NBEA: variants seen among roughly 807,000 people sequenced by gnomAD.
NBEA encodes the protein lysosomal-trafficking regulator 2.
NBEA carries 44 observed loss-of-function variants against 343.4 expected under a neutral mutation model. The observed-to-expected ratio is 0.13, with a 90% CI of 0.10 to 0.16. The LOEUF is 0.16. Among genes scored for constraint, NBEA ranks in the 10% least tolerant of loss-of-function variants. The probability of loss-of-function intolerance (pLI) is 1.00; values close to 1 mark genes in which losing one functional copy is unlikely to be tolerated. For missense variants in NBEA, 2,555 were observed against 3,631.3 expected, an observed-to-expected ratio of 0.70 and a Z score of 7.62; for synonymous variants, 1,175 against 1,238.7, an observed-to-expected ratio of 0.95 and a Z score of 1.08.
chr13:34,943,104 T>C lies in NBEA; in HGVS notation c.284T>C (p.Val95Ala). 1 of 1,613,468 alleles carries C rather than the reference T, an allele frequency of 6.2e-7. No individual in the cohort carries two copies. The highest frequency in any genetic ancestry group is 8.5e-7 in the Non-Finnish European group (1 of 1,179,706). ...AGCAACAGGGACATCGTGGAGACGG[T>C]GCTCAACCTGGTAAGGAAAAGGCGT... ...EVSNRDIVET[V>A]LNLLVGGEFD... The change falls in exon 1 of 59, where the codon GTG becomes GCG. Residue 95 changes from valine to alanine, a missense_variant. By Grantham distance (64) the Val-to-Ala change is moderately conservative. This residue lies in a region of NBEA where 185 missense variants were observed against 290.6 expected (regional missense o/e 0.64). Transcript: ENST00000379939.
chr13:35,376,311 A>G (rs1045151628), intron 38 of NBEA, among the ~76,000 whole-genome samples: 3 of 152,136 alleles, frequency 2.0e-5, no homozygotes, highest in Non-Finnish European at 4.4e-5. Flanking sequence ...AGCCTTCATC[A>G]CTTTTTAAGA....
intron 31 of NBEA, among the ~76,000 whole-genome samples, chr13:35,205,477 C>A (rs1204843925): frequency 6.6e-6 from 1 of 152,012 alleles, no homozygotes; most frequent in Non-Finnish European, 1.5e-5. Context: ...AATGCTGTAA[C>A]TTTTTCTCAC....
intron 28 of NBEA, among the ~76,000 whole-genome samples, chr13:35,179,213 T>C (rs1482387747): frequency 5.3e-5 from 8 of 151,646 alleles, no homozygotes. Flanking sequence ...TCAGTGTTTC[T>C]GAGTCTTAAC....
At chr13:35,119,976 A>G (rs2066706387) in intron 16 of NBEA, among the ~76,000 whole-genome samples, 2 of 152,212 alleles carry the variant, frequency 1.3e-5, no homozygotes, top group Admixed American at 1.3e-4. Context: ...ATATAGCTCA[A>G]TCTAATAATG....
chr13:35,145,970 G>T (rs2068395891), intron 18 of NBEA, among the ~76,000 whole-genome samples: 1 of 152,124 alleles, frequency 6.6e-6, no homozygotes, highest in Non-Finnish European at 1.5e-5. Flanking sequence ...TCTTGTTTGA[G>T]GAGATATTGA....
chr13:35,476,176 C>T, intron 41 of NBEA: 1 of 1,611,618 alleles, frequency 6.2e-7, no homozygotes, highest in Non-Finnish European at 8.5e-7. Context: ...CGGAGTCTCG[C>T]AGTAAGCTGT....
At chr13:35,075,268 A>G (rs947005542) in intron 10 of NBEA, among the ~76,000 whole-genome samples, 3 of 152,174 alleles carry the variant, frequency 2.0e-5, no homozygotes, top group Non-Finnish European at 1.5e-5. Flanking sequence ...TAAGACATGT[A>G]AAGTATCTGT....
At chr13:34,965,867 G>A (rs925913897) in intron 1 of NBEA, among the ~76,000 whole-genome samples, 69 of 152,036 alleles carry the variant, frequency 4.5e-4, no homozygotes, top group African/African-American at 1.6e-3. Context: ...ATTATCTGTT[G>A]TTGTTTGTTT....
chr13:35,180,526 A>G (rs2071240879), intron 28 of NBEA, among the ~76,000 whole-genome samples: 3 of 151,488 alleles, frequency 2.0e-5, no homozygotes, highest in South Asian at 4.2e-4. Flanking sequence ...TGCCTTGGCC[A>G]GTTTTTTTCA....
intron 1 of NBEA, among the ~76,000 whole-genome samples, chr13:34,956,981 T>C (rs772233240): frequency 5.9e-5 from 9 of 152,052 alleles, no homozygotes; most frequent in Non-Finnish European, 1.2e-4. Context: ...TCAGATTCTT[T>C]AGTTCTGTTT....
chr13:35,446,269 A>G (rs1030087534), intron 39 of NBEA, among the ~76,000 whole-genome samples: 3 of 152,304 alleles, frequency 2.0e-5, no homozygotes, highest in African/African-American at 4.8e-5. Flanking sequence ...TAGTGCCACA[A>G]TAAACATACG....
intron 34 of NBEA, chr13:35,251,684 A>T: frequency 1.8e-6 from 1 of 561,638 alleles, no homozygotes; most frequent in Non-Finnish European, 2.6e-6. Context: ...TCTGCCTATG[A>T]TATGGCTCCA....
At chr13:35,667,247 C>T (rs1259814197) in intron 56 of NBEA, 127 bp from the exon 57 acceptor site, 2 of 740,224 alleles carry the variant, frequency 2.7e-6, no homozygotes, top group African/African-American at 3.5e-5. Context: ...GCCTGGCCAG[C>T]CTACCTCTTT....
chr13:35,196,121 G>A lies in NBEA; in HGVS notation c.5185G>A (p.Ala1729Thr), dbSNP rs550845172. The change falls in exon 31 of 59, where the codon GCA becomes ACA. Residue 1729 changes from alanine (A) to threonine (T), a missense_variant. Ala to Thr is a moderately conservative substitution (Grantham distance 58). Coordinates refer to ENST00000379939, the MANE Select transcript of NBEA (RefSeq NM_001385012.1). The part of the protein sequence containing the change: ...TENPSETLKP[A>T]TSISSISQTK... ...AAATCCTAGTGAAACGTTGAAGCCT[G>A]CAACATCCATATCTAGCATTAGTCA... The A allele has an allele frequency of 6.2e-7, 1 of 1,613,698 alleles. No homozygotes were observed. Among genetic ancestry groups the A allele is most frequent in the African/African-American group, 1.3e-5 (1 of 75,054 alleles).
At chr13:35,601,767 AAAAAAAAAAAAAAAAAAAG>A (rs1247641680) in intron 47 of NBEA, among the ~76,000 whole-genome samples, 16 of 98,694 alleles carry the variant, frequency 1.6e-4, no homozygotes, top group South Asian at 6.6e-4. Context: ...ATCGCAAAAA[AAAAAAAAAAAAAAAAAAAG>A]AAAAAAAAAA....
intron 10 of NBEA, among the ~76,000 whole-genome samples, chr13:35,071,187 AC>A (rs1233958894): frequency 6.6e-6 from 1 of 152,014 alleles, no homozygotes; most frequent in African/African-American, 2.4e-5. Flanking sequence ...TGACCATGAA[AC>A]CCTGTCAGGT....
intron 41 of NBEA, chr13:35,475,464 C>T (rs1474356089): frequency 6.2e-7 from 1 of 1,612,754 alleles, no homozygotes; most frequent in Non-Finnish European, 8.5e-7. Flanking sequence ...CGTCGCTCTC[C>T]GCCGAGCTCT....
intron 41 of NBEA, among the ~76,000 whole-genome samples, chr13:35,486,573 C>T (rs1447143328): frequency 2.6e-5 from 4 of 152,008 alleles, no homozygotes; most frequent in African/African-American, 9.7e-5. Context: ...AGAAAGGTTG[C>T]ATCTTACCAG....
intron 44 of NBEA, among the ~76,000 whole-genome samples, chr13:35,565,063 T>C (rs1394910411): frequency 1.3e-5 from 2 of 152,174 alleles, no homozygotes; most frequent in Non-Finnish European, 2.9e-5. Flanking sequence ...ATATCAGGTG[T>C]AATAGAGGTC....
Sources: allele counts gnomAD v4.1 joint callset (sites outside exome capture counted in the v4.1 genomes callset), GRCh38; gene constraint gnomAD v4.1.1; regional missense constraint gnomAD v4.1.1; transcripts MANE v1.5; gene names NCBI Gene and HGNC (gene_info 2026-07-23, HGNC 2026-07-21).